Variants in LRRCC1 observed in about 807,000 individuals in gnomAD.
LRRCC1 encodes leucine-rich repeat and coiled-coil domain-containing protein 1.
Under a neutral mutation model 126.0 loss-of-function variants are expected in LRRCC1, and 115 were observed. The observed-to-expected ratio is 0.91, with a 90% CI of 0.78 to 1.07. The LOEUF (loss-of-function observed/expected upper bound fraction) is 1.07. Ranked by LOEUF, LRRCC1 falls within the 50% of genes least tolerant of loss-of-function variation. The pLI, the probability that LRRCC1 is intolerant of heterozygous loss-of-function variation, is 0.00. For missense variants in LRRCC1, 1,172 were observed against 1,175.7 expected (o/e 1.00, Z 0.05); for synonymous variants, 400 against 393.4 (o/e 1.02, Z -0.20).
intron 9 of LRRCC1, among the ~76,000 whole-genome samples, 177 bp from the exon 10 acceptor site, chr8:85,128,998 T>A (rs1207425943): frequency 1.3e-5 from 2 of 152,222 alleles, no homozygotes; most frequent in Non-Finnish European, 2.9e-5. Flanking sequence ...TGTTTCTCTG[T>A]GGCTTTCCCT....
intron 17 of LRRCC1, among the ~76,000 whole-genome samples, chr8:85,139,157 GA>G (rs1158329281): frequency 6.6e-6 from 1 of 152,192 alleles, no homozygotes. Context: ...GTTGAAAGTG[GA>G]ATTTAGAGGA....
intron 8 of LRRCC1, among the ~76,000 whole-genome samples, chr8:85,126,311 C>G (rs1007502269): frequency 6.6e-6 from 1 of 152,130 alleles, no homozygotes; most frequent in Non-Finnish European, 1.5e-5. Context: ...AATCCCAACA[C>G]TTTGGGAGGC....
intron 7 of LRRCC1, among the ~76,000 whole-genome samples, chr8:85,124,260 T>C (rs1809789861): frequency 6.6e-6 from 1 of 152,186 alleles, no homozygotes; most frequent in East Asian, 1.9e-4. Flanking sequence ...TGTTGTTTTG[T>C]TGTTGATTAA....
intron 17 of LRRCC1, among the ~76,000 whole-genome samples, chr8:85,139,146 T>C (rs1033863874): frequency 2.0e-5 from 3 of 152,174 alleles, no homozygotes; most frequent in Non-Finnish European, 2.9e-5. Flanking sequence ...ATATTTTAGT[T>C]GTTGAAAGTG....
chr8:85,127,566 T>G (rs1293421746), intron 9 of LRRCC1, among the ~76,000 whole-genome samples: 1 of 152,190 alleles, frequency 6.6e-6, no homozygotes, highest in Non-Finnish European at 1.5e-5. Context: ...TGTCTGATTG[T>G]GCAGTGGATA....
chr8:85,113,665 A>G (rs777000782), intron 4 of LRRCC1, among the ~76,000 whole-genome samples: 3 of 152,130 alleles, frequency 2.0e-5, no homozygotes, highest in Non-Finnish European at 2.9e-5. Context: ...GAACTAGGTA[A>G]CTGGAGATTA....
chr8:85,119,628 G>A (rs776138771), intron 6 of LRRCC1, among the ~76,000 whole-genome samples: 19 of 151,824 alleles, frequency 1.3e-4, no homozygotes, highest in Admixed American at 3.3e-4. Flanking sequence ...CGAATAGCTG[G>A]GATTACAGGC....
Position 85,129,994 on chromosome 8 carries a change from C to G in LRRCC1, c.1702C>G (p.His568Asp). 6.2e-7 allele frequency: 1 copy of G among 1,602,802 alleles called. No homozygotes were observed. Among genetic ancestry groups the G allele is most frequent in the Non-Finnish European group, 8.5e-7 (1 of 1,175,918 alleles). The part of the protein sequence containing the change: ...REIYLLRTSL[H>D]REREQAQQLH... ...AATATACTTACTTAGAACTTCCCTTCATCGAGAAAGAGAACAAGCGCAACA... is the reference window on the plus strand; with the variant it reads ...AATATACTTACTTAGAACTTCCCTTGATCGAGAAAGAGAACAAGCGCAACA... Residue 568 changes from histidine to aspartate, a missense_variant, in exon 11 of 19, where the codon CAT becomes GAT. Transcript: ENST00000360375.
Position 85,126,829 on chromosome 8 carries a change from C to T in LRRCC1, c.1413C>T (p.Thr471=), listed in dbSNP as rs762123178. 4.7e-5 allele frequency: 75 copies of T among 1,606,742 alleles called. No individual in the cohort carries two copies. The highest frequency in any genetic ancestry group is 1.7e-4 in the Middle Eastern group (1 of 6,038). Residue 471 remains threonine, a synonymous_variant, in exon 9 of 19, where the codon ACC becomes ACT. Transcript: ENST00000360375. ...ATATTCATAGTCTGGCTCTACTTAC[C>T]ACAGATAGGTAAAAAGAAATTAATA... is the stretch of plus-strand genomic sequence containing the variant. ...KEDIHSLALL[T]TDRLKEIIFR...
rs1208061518 is a variant in LRRCC1 at position 85,114,766 on chromosome 8, G to T, written c.545-334G>T. On this transcript the variant is annotated intron_variant, in intron 4 of 18. Transcript: ENST00000360375. ...ATATTAACCATATTAAAAAATAAAAGACATGTTTAGCTTCCTTCCTAGAAT... is the reference window on the plus strand; with the variant it reads ...ATATTAACCATATTAAAAAATAAAATACATGTTTAGCTTCCTTCCTAGAAT... Among the ~76,000 whole-genome samples, 3 of 152,146 alleles carry T rather than the reference G, an allele frequency of 2.0e-5. No individual in the cohort carries two copies. The East Asian group carries it at 5.8e-4, about 29-fold the overall frequency.
intron 9 of LRRCC1, among the ~76,000 whole-genome samples, chr8:85,127,578 T>C (rs966985656): frequency 6.6e-6 from 1 of 152,210 alleles, no homozygotes; most frequent in Admixed American, 6.5e-5. Flanking sequence ...CAGTGGATAA[T>C]TCCCCTTCTA....
chr8:85,124,708 A>T, intron 7 of LRRCC1, 84 bp from the exon 8 acceptor site: 1 of 796,998 alleles, frequency 1.3e-6, no homozygotes, highest in Non-Finnish European at 1.9e-6. Flanking sequence ...AGCTGTTTGC[A>T]TATACAACTA....
chr8:85,145,355 G>A, intron 18 of LRRCC1, 34 bp from the exon 19 acceptor site: 1 of 1,381,564 alleles, frequency 7.2e-7, no homozygotes, highest in South Asian at 1.7e-5. Flanking sequence ...TTTTCTTTAA[G>A]AAATTAAAAT....
At chr8:85,136,994 T>G (rs914516507) in intron 14 of LRRCC1, among the ~76,000 whole-genome samples, 65 of 151,944 alleles carry the variant, frequency 4.3e-4, no homozygotes, top group African/African-American at 1.5e-3. Flanking sequence ...CCGGCTAATT[T>G]TTTTGTATTT....
At position 85,107,276 on chromosome 8, in the gene LRRCC1, C is replaced by A. The variant is rs763407727; in HGVS notation, c.-20C>A. ...CCTCGCTGGGTGCCGGTTAAGACCC[C>A]GCTCCCCGTCGCCAGTGCTATGGAG... is the stretch of plus-strand genomic sequence containing the variant. On this transcript the variant is annotated 5_prime_UTR_variant, in exon 1 of 19. Transcript: ENST00000360375. 94 of 1,599,942 alleles carry A rather than the reference C, an allele frequency of 5.9e-5. 1 individual carries two copies. The highest frequency in any genetic ancestry group is 7.7e-5 in the Non-Finnish European group (90 of 1,173,112).
At chr8:85,109,852 C>T (rs780431206) in intron 2 of LRRCC1, 52 bp downstream of exon 2, 2 of 915,046 alleles carry the variant, frequency 2.2e-6, no homozygotes, top group Admixed American at 2.8e-5. Context: ...TGATTTAGGT[C>T]CATTTTTTTC....
chr8:85,142,581 A>G lies in LRRCC1; in HGVS notation c.2976+1064A>G, dbSNP rs530217476. Among the ~76,000 whole-genome samples the G allele has an allele frequency of 1.8e-4, 28 of 152,272 alleles. No individual in the cohort carries two copies. The South Asian group carries it at 5.6e-3, about 30-fold the overall frequency. On this transcript the variant is annotated intron_variant, in intron 18 of 18. Transcript: ENST00000360375. ...CTGGGCACAGTGGCTCAAGCCTGTA[A>G]TCCCAGCGGAGGCCGAGGCTGGTGG... is the stretch of plus-strand genomic sequence containing the variant.
At chr8:85,122,347 CT>C (rs1223460129) in intron 6 of LRRCC1, among the ~76,000 whole-genome samples, 1 of 152,166 alleles carries the variant, frequency 6.6e-6, no homozygotes, top group Non-Finnish European at 1.5e-5. Context: ...GCTCCATTCT[CT>C]CTTCTCTTTT....
intron 6 of LRRCC1, among the ~76,000 whole-genome samples, chr8:85,117,294 A>G (rs1354944177): frequency 2.0e-5 from 3 of 152,210 alleles, no homozygotes; most frequent in African/African-American, 7.2e-5. Context: ...TTCTTCAACT[A>G]TGTCATGCTT....
Sources: allele counts gnomAD v4.1 joint callset (sites outside exome capture counted in the v4.1 genomes callset), GRCh38; gene constraint gnomAD v4.1.1; transcripts MANE v1.5; gene names NCBI Gene and HGNC (gene_info 2026-07-23, HGNC 2026-07-21).